The following SCAPER variants were observed in gnomAD, a reference collection of about 807,000 sequenced individuals.
The protein encoded by SCAPER is S-phase cyclin A associated protein in the ER.
In SCAPER, 98 loss-of-function variants were observed where a neutral mutation model predicts 182.2. The observed-to-expected ratio is 0.54, with a 90% CI of 0.46 to 0.64. SCAPER has a LOEUF of 0.64. SCAPER is among the 30% of genes least tolerant of loss of function. The probability of loss-of-function intolerance (pLI) is 0.00; values close to 1 mark genes in which losing one functional copy is unlikely to be tolerated. For missense variants in SCAPER, 1,432 were observed against 1,690.0 expected, an observed-to-expected ratio of 0.85 and a Z score of 2.68; for synonymous variants, 605 against 564.6, an observed-to-expected ratio of 1.07 and a Z score of -1.01.
intron 23 of SCAPER, among the ~76,000 whole-genome samples, chr15:76,532,642 T>C (rs538651411): frequency 6.6e-6 from 1 of 152,322 alleles, no homozygotes; most frequent in Admixed American, 6.5e-5. Context: ...GCAATCTCTA[T>C]GGCATTAAGG....
intron 22 of SCAPER, among the ~76,000 whole-genome samples, chr15:76,601,908 C>T (rs1426616446): frequency 8.2e-6 from 1 of 121,224 alleles, no homozygotes; most frequent in African/African-American, 2.5e-5. Context: ...AAAGCAAAAT[C>T]TGCACATATT....
intron 29 of SCAPER, among the ~76,000 whole-genome samples, chr15:76,374,155 C>G (rs1261011732): frequency 9.2e-5 from 14 of 151,908 alleles, no homozygotes; most frequent in Admixed American, 9.2e-4. Flanking sequence ...TTTGGGAGGC[C>G]AAGGTAGGTG....
chr15:76,522,354 T>C (rs1228104312), intron 23 of SCAPER, among the ~76,000 whole-genome samples: 1 of 152,144 alleles, frequency 6.6e-6, no homozygotes, highest in Non-Finnish European at 1.5e-5. Flanking sequence ...GATTCACCAG[T>C]AGGAAGTCAG....
At chr15:76,885,003 T>C (rs1209852840) in intron 1 of SCAPER, among the ~76,000 whole-genome samples, 1 of 152,228 alleles carries the variant, frequency 6.6e-6, no homozygotes, top group East Asian at 1.9e-4. Context: ...CAGAGGTTGC[T>C]GAAGGCTGCG....
intron 2 of SCAPER, among the ~76,000 whole-genome samples, chr15:76,874,818 G>C (rs2073028268): frequency 6.6e-6 from 1 of 151,888 alleles, no homozygotes; most frequent in African/African-American, 2.4e-5. Flanking sequence ...AAAACAAATA[G>C]CCAGGCATGG....
Position 76,601,306 on chromosome 15 carries a change from C to T in SCAPER, c.2711+20458G>A, listed in dbSNP as rs1369728759. ...CTCTCCTTTCTTAGCACATCAATTACAGTCATATGCTGTATAAGGATGTTT... is the reference window on the plus strand; with the variant it reads ...CTCTCCTTTCTTAGCACATCAATTATAGTCATATGCTGTATAAGGATGTTT... On this transcript the variant is annotated intron_variant, in intron 22 of 31. Transcript: ENST00000563290. 4.1e-5 allele frequency among the ~76,000 whole-genome samples: 5 copies of T among 121,948 alleles called. 2 individuals carry two copies. Among genetic ancestry groups the T allele is most frequent in the Non-Finnish European group, 1.0e-4 (5 of 50,194 alleles). The allele number at this position is 121,948 out of a possible 152,430, so 80.0% of individuals were successfully genotyped here. A position where few individuals can be genotyped will look rare whatever the true frequency, so the allele number is the denominator to read the frequency against.
chr15:76,394,765 C>T (rs1025160921), intron 27 of SCAPER, among the ~76,000 whole-genome samples: 10 of 152,218 alleles, frequency 6.6e-5, no homozygotes, highest in African/African-American at 1.4e-4. Context: ...TATTTTGATA[C>T]GAGCATGCAA....
intron 26 of SCAPER, among the ~76,000 whole-genome samples, chr15:76,423,455 C>A (rs1436272126): frequency 6.6e-6 from 1 of 152,142 alleles, no homozygotes; most frequent in Non-Finnish European, 1.5e-5. Flanking sequence ...TCTGTGGGAT[C>A]AGTGGTGATA....
At chr15:76,722,935 C>T (rs987514255) in intron 17 of SCAPER, among the ~76,000 whole-genome samples, 1 of 151,938 alleles carries the variant, frequency 6.6e-6, no homozygotes, top group Non-Finnish European at 1.5e-5. Context: ...TCCTTCAGTT[C>T]TGCTCTGATC....
intron 1 of SCAPER, among the ~76,000 whole-genome samples, chr15:76,901,869 G>C (rs2074809458): frequency 6.6e-6 from 1 of 152,130 alleles, no homozygotes; most frequent in Non-Finnish European, 1.5e-5. Context: ...ACAAGCATGA[G>C]CCACCACCTC....
At chr15:76,431,706 GCTTTGTTTGCTAAA>G (rs2046884335) in intron 26 of SCAPER, among the ~76,000 whole-genome samples, 1 of 46,018 alleles carries the variant, frequency 2.2e-5, no homozygotes, top group African/African-American at 9.7e-5. Flanking sequence ...AAAAAAAAAT[GCTTTGTTTGCTAAA>G]CTAGGCAGAT....
chr15:76,522,547 T>G (rs2042912085), intron 23 of SCAPER, among the ~76,000 whole-genome samples: 1 of 152,206 alleles, frequency 6.6e-6, no homozygotes, highest in Non-Finnish European at 1.5e-5. Context: ...GTACAGAGAT[T>G]GTTGAAATAC....
intron 5 of SCAPER, among the ~76,000 whole-genome samples, chr15:76,805,327 A>T (rs1032483592): frequency 2.6e-5 from 4 of 152,208 alleles, no homozygotes; most frequent in Non-Finnish European, 4.4e-5. Flanking sequence ...CTAAGTTTAA[A>T]GTTAACTACC....
intron 20 of SCAPER, among the ~76,000 whole-genome samples, chr15:76,680,245 G>C (rs1438649958): frequency 6.6e-6 from 1 of 151,816 alleles, no homozygotes; most frequent in Non-Finnish European, 1.5e-5. Context: ...AAAAATGCAT[G>C]CAAATATACA....
chr15:76,713,277 G>A (rs2059693252), intron 17 of SCAPER, among the ~76,000 whole-genome samples: 1 of 151,972 alleles, frequency 6.6e-6, no homozygotes, highest in Admixed American at 6.6e-5. Flanking sequence ...TCCCATTACT[G>A]AGTATATACC....
intron 21 of SCAPER, among the ~76,000 whole-genome samples, chr15:76,622,112 C>T (rs538735844): frequency 6.6e-6 from 1 of 152,104 alleles, no homozygotes; most frequent in Non-Finnish European, 1.5e-5. Context: ...GTTTTTTATA[C>T]TGACTAAATA....
chr15:76,637,199 C>A (rs1466587343), intron 21 of SCAPER, among the ~76,000 whole-genome samples: 1 of 152,094 alleles, frequency 6.6e-6, no homozygotes, highest in Non-Finnish European at 1.5e-5. Context: ...TCTCTACACA[C>A]CACTAATCTA....
At chr15:76,644,842 A>G (rs1295293883) in intron 21 of SCAPER, among the ~76,000 whole-genome samples, 1 of 152,094 alleles carries the variant, frequency 6.6e-6, no homozygotes, top group Non-Finnish European at 1.5e-5. Flanking sequence ...TCCATTGCCA[A>G]ATATACCCTC....
chr15:76,634,295 A>G (rs1449765051), intron 21 of SCAPER, among the ~76,000 whole-genome samples: 5 of 151,992 alleles, frequency 3.3e-5, no homozygotes, highest in Non-Finnish European at 7.4e-5. Context: ...CCCACTCTCC[A>G]TGGGTCATGC....
Sources: allele counts gnomAD v4.1 joint callset (sites outside exome capture counted in the v4.1 genomes callset), GRCh38; gene constraint gnomAD v4.1.1; transcripts MANE v1.5; gene names NCBI Gene and HGNC (gene_info 2026-07-23, HGNC 2026-07-21).